DLGAP2: variants seen among roughly 807,000 people sequenced by gnomAD.
DLGAP2 encodes the protein disks large-associated protein 2.
A neutral mutation model predicts 100.3 loss-of-function variants in DLGAP2; 26 were observed. That is an observed-to-expected ratio of 0.26 (90% confidence interval 0.19 to 0.36). DLGAP2 has a LOEUF of 0.36. Among genes scored for constraint, DLGAP2 ranks in the 10% least tolerant of loss-of-function variants. DLGAP2 has a pLI of 1.00. For missense variants in DLGAP2, 1,858 were observed against 1,453.2 expected (o/e 1.28, Z -4.53); for synonymous variants, 886 against 630.1 (o/e 1.41, Z -6.08).
chr8:1,503,958 G>A (rs1034326584), intron 4 of DLGAP2, among the ~76,000 whole-genome samples: 6 of 152,138 alleles, frequency 3.9e-5, no homozygotes, highest in Non-Finnish European at 7.3e-5. Context: ...AAGCAGCCAG[G>A]TGCAGGCACA....
chr8:1,188,986 C>G lies in DLGAP2; in HGVS notation c.74-69865C>G, dbSNP rs894673301. Among the ~76,000 whole-genome samples, 493 of 144,318 alleles carry G rather than the reference C, an allele frequency of 3.4e-3. 10 individuals carry two copies. The highest frequency in any genetic ancestry group is 0.012 in the African/African-American group (456 of 36,558). The allele number at this position is 144,318 out of a possible 152,430, so 94.7% of individuals were successfully genotyped here. On this transcript the variant is annotated intron_variant, in intron 2 of 14. Coordinates refer to ENST00000637795, the MANE Select transcript of DLGAP2 (RefSeq NM_001346810.2). ...CCGTACACAGGGTTCGGGCCCCAGG[C>G]CGGTTCCGCGGTTGGGGTTGACCTT...
At chr8:755,039 C>T (rs1362552641) in intron 1 of DLGAP2, among the ~76,000 whole-genome samples, 4 of 152,030 alleles carry the variant, frequency 2.6e-5, no homozygotes, top group South Asian at 2.1e-4. Context: ...AAAGAGGACA[C>T]GAGGGTTTAT....
chr8:1,243,484 C>T (rs1798841787), intron 2 of DLGAP2, among the ~76,000 whole-genome samples: 1 of 152,212 alleles, frequency 6.6e-6, no homozygotes, highest in Non-Finnish European at 1.5e-5. Flanking sequence ...ATGTTCTGGA[C>T]TTGGCCATTG....
intron 2 of DLGAP2, among the ~76,000 whole-genome samples, chr8:1,141,314 G>C (rs566947513): frequency 6.6e-6 from 1 of 152,280 alleles, no homozygotes; most frequent in African/African-American, 2.4e-5. Context: ...TCTGTAACTG[G>C]ATTCCCCAAC....
rs533193586 is a variant in DLGAP2 at position 762,980 on chromosome 8, G to A, written c.18+25155G>A. ...GCGTGAGCCACTGCGCCCAGCTGAC[G>A]GTTTTATTTAAATGTCCAGTAATGA... On this transcript the variant is annotated intron_variant, in intron 1 of 14. Coordinates refer to ENST00000637795, the MANE Select transcript of DLGAP2 (RefSeq NM_001346810.2). 3.9e-5 allele frequency among the ~76,000 whole-genome samples: 6 copies of A among 152,162 alleles called. No homozygotes were observed. In the East Asian group the frequency reaches 7.8e-4, roughly 20 times the overall value.
intron 2 of DLGAP2, among the ~76,000 whole-genome samples, chr8:1,213,039 G>A (rs1257108097): frequency 1.3e-5 from 2 of 152,190 alleles, no homozygotes; most frequent in East Asian, 3.9e-4. Context: ...CTCATGATGA[G>A]AATTTGGGAG....
intron 3 of DLGAP2, among the ~76,000 whole-genome samples, chr8:1,454,530 G>GCTTC (rs1340632905): frequency 5.3e-5 from 8 of 152,148 alleles, no homozygotes; most frequent in Non-Finnish European, 1.2e-4. Flanking sequence ...AGAAAACACT[G>GCTTC]CTTCCTCCTG....
chr8:1,320,831 C>T lies in DLGAP2; in HGVS notation c.106+61948C>T, dbSNP rs557099017. On this transcript the variant is annotated intron_variant, in intron 3 of 14. Transcript: ENST00000637795. The stretch of plus-strand genomic sequence containing the variant: ...TGGAGGTGCTGCCACCTGTGTGTGT[C>T]TGTGTGTGCACGTGTGTTTCTCTCT... Among the ~76,000 whole-genome samples, 8 of 152,278 alleles carry T rather than the reference C, an allele frequency of 5.3e-5. No homozygotes were observed. The South Asian group carries it at 1.5e-3, about 28-fold the overall frequency.
At chr8:1,160,273 A>G (rs1051435612) in intron 2 of DLGAP2, among the ~76,000 whole-genome samples, 6 of 152,316 alleles carry the variant, frequency 3.9e-5, no homozygotes, top group African/African-American at 9.6e-5. Flanking sequence ...CGGCTTTGAC[A>G]TGCCCTCGGC....
chr8:1,410,327 C>A (rs554945363), intron 3 of DLGAP2, among the ~76,000 whole-genome samples: 1 of 152,302 alleles, frequency 6.6e-6, no homozygotes, highest in Admixed American at 6.5e-5. Context: ...TTCACGCGTG[C>A]GGCACCGTGG....
chr8:817,095 C>T (rs934150256), intron 1 of DLGAP2, among the ~76,000 whole-genome samples: 45 of 148,012 alleles, frequency 3.0e-4, no homozygotes, highest in African/African-American at 1.0e-3. Context: ...GAGCCAAGAT[C>T]GCGCCGCTGC....
rs1353355052 is a variant in DLGAP2 at position 1,632,931 on chromosome 8, C to T, written c.1695C>T (p.Phe565=). Residue 565 remains phenylalanine, a synonymous_variant, in exon 8 of 15, where the codon TTC becomes TTT. Transcript: ENST00000637795. ...ATGCCCTCGACCTCCCGGGATGTTT[C>T]CGAACAAGGAGTCACAGCTACCTTC... The part of the protein sequence containing the change: ...AMDALDLPGC[F]RTRSHSYLRA... The T allele has an allele frequency of 2.5e-6, 4 of 1,613,998 alleles. No homozygotes were observed. Among genetic ancestry groups the T allele is most frequent in the South Asian group, 1.1e-5 (1 of 91,086 alleles).
chr8:919,927 C>T (rs1798673575), intron 2 of DLGAP2, among the ~76,000 whole-genome samples: 2 of 152,146 alleles, frequency 1.3e-5, no homozygotes, highest in African/African-American at 4.8e-5. Flanking sequence ...AACTCCCTTC[C>T]ACCCCATGTC....
chr8:936,356 C>T (rs1299803366), intron 2 of DLGAP2, among the ~76,000 whole-genome samples: 2 of 152,290 alleles, frequency 1.3e-5, no homozygotes, highest in East Asian at 3.9e-4. Context: ...ATGTGTAAAA[C>T]TCGGGAAGGA....
rs866437285 is a variant in DLGAP2 at position 993,442 on chromosome 8, G to C, written c.73+85476G>C. Among the ~76,000 whole-genome samples the C allele has an allele frequency of 1.8e-3, 16 of 9,140 alleles. 1 individual carries two copies. The highest frequency in any genetic ancestry group is 5.4e-3 in the Admixed American group (4 of 744). The allele number at this position is 9,140 out of a possible 152,430, so 6.0% of individuals were successfully genotyped here. A position where few individuals can be genotyped will look rare whatever the true frequency, so the allele number is the denominator to read the frequency against. On this transcript the variant is annotated intron_variant, in intron 2 of 14. Transcript: ENST00000637795. Reference sequence around the variant, plus strand: ...CTGTTCTTCTCTCCCACCTTGCCCAGACCCCCTGCACCCCCATACTCGGAG... The same window carrying C: ...CTGTTCTTCTCTCCCACCTTGCCCACACCCCCTGCACCCCCATACTCGGAG...
intron 2 of DLGAP2, among the ~76,000 whole-genome samples, chr8:1,099,923 C>T (rs763714555): frequency 7.2e-5 from 11 of 152,176 alleles, no homozygotes; most frequent in Non-Finnish European, 2.9e-5. Context: ...ACAGTAGGCC[C>T]CCTTCTCCAG....
At chr8:1,498,640 C>T (rs1004393529) in intron 3 of DLGAP2, among the ~76,000 whole-genome samples, 1 of 152,160 alleles carries the variant, frequency 6.6e-6, no homozygotes, top group Non-Finnish European at 1.5e-5. Context: ...ACGTTAAGCA[C>T]AGTAAGAGAG....
chr8:886,746 T>C (rs562249419), intron 1 of DLGAP2, among the ~76,000 whole-genome samples: 2 of 152,324 alleles, frequency 1.3e-5, no homozygotes, highest in East Asian at 3.9e-4. Flanking sequence ...ACTGTTATGA[T>C]TTCAGTTCTT....
intron 8 of DLGAP2, 144 bp from the exon 9 acceptor site, chr8:1,668,185 C>T: frequency 1.4e-6 from 1 of 707,708 alleles, no homozygotes; most frequent in Non-Finnish European, 2.3e-6. Flanking sequence ...CTCACTGTCC[C>T]CTCATTTCAC....
Sources: allele counts gnomAD v4.1 joint callset (sites outside exome capture counted in the v4.1 genomes callset), GRCh38; gene constraint gnomAD v4.1.1; transcripts MANE v1.5; gene names NCBI Gene and HGNC (gene_info 2026-07-23, HGNC 2026-07-21).